Variants in TAFA2 observed in about 807,000 individuals in gnomAD.
TAFA2 encodes chemokine-like protein TAFA-2.
In TAFA2, 7 loss-of-function variants were observed where a neutral mutation model predicts 18.8. The observed-to-expected ratio is 0.37, with a 90% confidence interval of 0.21 to 0.70. The LOEUF is 0.70. Ranked by LOEUF, TAFA2 falls within the 30% of genes least tolerant of loss-of-function variation. The pLI is 0.53. For missense variants in TAFA2, 122 were observed against 158.1 expected (o/e 0.77, Z 1.23); for synonymous variants, 60 against 54.2 (o/e 1.11, Z -0.47).
intron 1 of TAFA2, among the ~76,000 whole-genome samples, chr12:62,019,172 A>T (rs1228698750): frequency 6.6e-6 from 1 of 152,082 alleles, no homozygotes; most frequent in African/African-American, 2.4e-5. Flanking sequence ...AAGTCAGGAA[A>T]CAACAGGTGA....
At chr12:62,254,594 G>A (rs764711943) in intron 1 of TAFA2, among the ~76,000 whole-genome samples, 3 of 152,066 alleles carry the variant, frequency 2.0e-5, no homozygotes, top group Non-Finnish European at 2.9e-5. Flanking sequence ...AGTTCAAGAC[G>A]ACCTAGATAG....
chr12:62,229,813 A>G (rs1177787964), intron 1 of TAFA2, among the ~76,000 whole-genome samples: 2 of 152,006 alleles, frequency 1.3e-5, no homozygotes, highest in Non-Finnish European at 2.9e-5. Context: ...AATGTTTGGT[A>G]GAATTTAGAA....
chr12:62,038,969 A>C (rs1042777095), intron 1 of TAFA2, among the ~76,000 whole-genome samples: 33 of 152,166 alleles, frequency 2.2e-4, no homozygotes, highest in Non-Finnish European at 1.9e-4. Flanking sequence ...CTGACCTGAT[A>C]GCTCATTACT....
chr12:61,875,548 A>C (rs2359978), intron 1 of TAFA2, among the ~76,000 whole-genome samples: 110,685 of 151,798 alleles, frequency 0.73, 40,663 homozygotes, highest in African/African-American at 0.82. Context: ...TGAGTCTAAC[A>C]AAGCTAAAAT....
intron 1 of TAFA2, among the ~76,000 whole-genome samples, chr12:62,131,278 T>A (rs749903878): frequency 1.3e-5 from 2 of 151,962 alleles, no homozygotes; most frequent in East Asian, 3.9e-4. Flanking sequence ...CTGGGTGGCA[T>A]CCACACACAG....
intron 1 of TAFA2, among the ~76,000 whole-genome samples, chr12:62,053,774 G>A (rs1329900086): frequency 6.6e-6 from 1 of 152,162 alleles, no homozygotes; most frequent in Non-Finnish European, 1.5e-5. Context: ...GAATGACTGG[G>A]CAAGTTATTT....
chr12:62,006,314 G>GT (rs1159460362), intron 1 of TAFA2, among the ~76,000 whole-genome samples: 1 of 152,080 alleles, frequency 6.6e-6, no homozygotes, highest in African/African-American at 2.4e-5. Flanking sequence ...GTTGTGAAGC[G>GT]TGCCCTCTGC....
intron 1 of TAFA2, among the ~76,000 whole-genome samples, chr12:62,124,067 T>C (rs1383537932): frequency 6.6e-6 from 1 of 152,146 alleles, no homozygotes; most frequent in Non-Finnish European, 1.5e-5. Context: ...TCAAGACAAG[T>C]GGTTTTTAAA....
chr12:61,920,864 A>AT (rs1877022205), intron 1 of TAFA2, among the ~76,000 whole-genome samples: 2 of 152,182 alleles, frequency 1.3e-5, no homozygotes, highest in African/African-American at 4.8e-5. Context: ...GAAAAAAAAA[A>AT]GGAACAAGTA....
chr12:61,845,221 A>G (rs1165832589), intron 2 of TAFA2, among the ~76,000 whole-genome samples: 1 of 152,176 alleles, frequency 6.6e-6, no homozygotes, highest in African/African-American at 2.4e-5. Context: ...CAGTTGTAGT[A>G]CTGGCAAAAA....
chr12:62,110,248 G>A (rs569329803), intron 1 of TAFA2, among the ~76,000 whole-genome samples: 7 of 152,178 alleles, frequency 4.6e-5, no homozygotes, highest in Admixed American at 3.3e-4. Flanking sequence ...TGTGGTTTTC[G>A]TCATTGCTTC....
intron 1 of TAFA2, among the ~76,000 whole-genome samples, chr12:61,950,576 A>G (rs1878431262): frequency 6.6e-6 from 1 of 152,094 alleles, no homozygotes; most frequent in African/African-American, 2.4e-5. Context: ...AAAAATGCCT[A>G]TTCAGGTTCT....
chr12:61,979,472 T>C (rs562915753), intron 1 of TAFA2, among the ~76,000 whole-genome samples: 1 of 152,214 alleles, frequency 6.6e-6, no homozygotes, highest in Admixed American at 6.5e-5. Flanking sequence ...TGGCAGTTCA[T>C]CTACTGCACC....
chr12:62,177,925 C>T (rs1368377296), intron 1 of TAFA2, among the ~76,000 whole-genome samples: 1 of 152,184 alleles, frequency 6.6e-6, no homozygotes, highest in Non-Finnish European at 1.5e-5. Context: ...GTGTCACTGG[C>T]TTCCTACTCT....
chr12:61,752,938 G>T (rs927271016), intron 4 of TAFA2, among the ~76,000 whole-genome samples: 71 of 151,718 alleles, frequency 4.7e-4, no homozygotes, highest in African/African-American at 1.7e-3. Context: ...ATAAAGAAAA[G>T]AATTCAAATT....
At chr12:62,201,337 A>C (rs1470327860) in intron 1 of TAFA2, among the ~76,000 whole-genome samples, 1 of 152,218 alleles carries the variant, frequency 6.6e-6, no homozygotes, top group Non-Finnish European at 1.5e-5. Flanking sequence ...GAATGCTCCC[A>C]GCTTTTGCCT....
In TAFA2 at chr12:61,954,140, C is replaced by T. The variant is rs77577146; in HGVS notation, c.-1-86714G>A. Among the ~76,000 whole-genome samples the T allele has an allele frequency of 8.0e-3, 1,222 of 152,172 alleles. 16 individuals carry two copies. The highest frequency in any genetic ancestry group is 0.028 in the African/African-American group (1,181 of 41,526). On this transcript the variant is annotated intron_variant, in intron 1 of 4. Transcript: ENST00000416284. The stretch of plus-strand genomic sequence containing the variant: ...CCTTCCTCCCCACCTCCCACCCTTC[C>T]AAGTCTCTAGTGTTTATCATTTCAC...
At chr12:62,061,953 G>A (rs964593166) in intron 1 of TAFA2, among the ~76,000 whole-genome samples, 6 of 151,980 alleles carry the variant, frequency 3.9e-5, no homozygotes, top group Admixed American at 1.3e-4. Context: ...GCCCAGGGGA[G>A]GCTCGGGGAA....
At chr12:62,021,474 C>CTTTTTTTTTTTTTTTTTTTTTTTTTTTT in intron 1 of TAFA2, 1 of 418,754 alleles carries the variant, frequency 2.4e-6, no homozygotes. Flanking sequence ...CTGCATCATT[C>CTTTTTTTTTTTTTTTTTTTTTTTTTTTT]TTTTTTTTTT....
Sources: allele counts gnomAD v4.1 joint callset (sites outside exome capture counted in the v4.1 genomes callset), GRCh38; gene constraint gnomAD v4.1.1; transcripts MANE v1.5; gene names NCBI Gene and HGNC (gene_info 2026-07-23, HGNC 2026-07-21).